STARD3NL: variants seen among roughly 807,000 people sequenced by gnomAD.
The protein encoded by STARD3NL is STARD3 N-terminal like, also known as STARD3 N-terminal-like protein.
A neutral mutation model predicts 30.9 loss-of-function variants in STARD3NL; 17 were observed. The observed-to-expected ratio is 0.55, with a 90% confidence interval of 0.38 to 0.82. The LOEUF is 0.82. Among genes scored for constraint, STARD3NL ranks in the 40% least tolerant of loss-of-function variants. The pLI, the probability that STARD3NL is intolerant of heterozygous loss-of-function variation, is 0.00. For synonymous variants in STARD3NL, 112 were observed against 100.5 expected (o/e 1.11, Z -0.69); for missense variants, 234 against 277.6 (o/e 0.84, Z 1.12).
At chr7:38,213,200 G>A (rs73348667) in intron 2 of STARD3NL, among the ~76,000 whole-genome samples, 9,970 of 152,042 alleles carry the variant, frequency 0.066, 1,083 homozygotes, top group African/African-American at 0.23. Context: ...TCCTTAGTCC[G>A]GAGAGACAGT....
chr7:38,219,696 T>G lies in STARD3NL; in HGVS notation c.649+36T>G, dbSNP rs188025878. 210 of 1,548,794 alleles carry G rather than the reference T, an allele frequency of 1.4e-4. No homozygotes were observed. The African/African-American group carries it at 2.7e-3, about 20-fold the overall frequency. Reference sequence around the variant, plus strand: ...TGATTATTATTTGTGCTTGTATCTCTCATTCAAAGGCTCTGCTCTTCCTTC... The same window carrying G: ...TGATTATTATTTGTGCTTGTATCTCGCATTCAAAGGCTCTGCTCTTCCTTC... On this transcript the variant is annotated intron_variant, in intron 7 of 8. Coordinates refer to ENST00000009041, the MANE Select transcript of STARD3NL (RefSeq NM_032016.4).
chr7:38,195,830 A>T (rs1368837166), intron 1 of STARD3NL, among the ~76,000 whole-genome samples: 1 of 152,248 alleles, frequency 6.6e-6, no homozygotes, highest in Non-Finnish European at 1.5e-5. Flanking sequence ...GTTCCCAAAG[A>T]GTAGTTTGTA....
chr7:38,219,310 G>A (rs772566248), intron 6 of STARD3NL, among the ~76,000 whole-genome samples: 2 of 152,196 alleles, frequency 1.3e-5, no homozygotes, highest in Non-Finnish European at 2.9e-5. Flanking sequence ...GCCTCCCAGA[G>A]TGCTATGATG....
At chr7:38,180,264 A>C (rs7349990) in intron 1 of STARD3NL, among the ~76,000 whole-genome samples, 12,235 of 152,262 alleles carry the variant, frequency 0.08, 608 homozygotes, top group East Asian at 0.14. Context: ...TATCCGATGT[A>C]GTTTGTTTCC....
intron 1 of STARD3NL, among the ~76,000 whole-genome samples, chr7:38,194,763 A>G (rs947817081): frequency 4.6e-5 from 7 of 152,252 alleles, no homozygotes; most frequent in African/African-American, 9.6e-5. Context: ...TTGGTGGTCT[A>G]GTTTTGTGAT....
rs149650302 is a variant in STARD3NL, at chr7:38,223,057, A to G, written c.649+3397A>G. On this transcript the variant is annotated intron_variant, in intron 7 of 8. Transcript: ENST00000009041. ...CATGAGGGCGTCCGAAAAAGGCCTG[A>G]CGTGCCTTTTTTTGTCTTTTTTTCC... Among the ~76,000 whole-genome samples, 101 of 152,178 alleles carry G rather than the reference A, an allele frequency of 6.6e-4. No homozygotes were observed. In the East Asian group the frequency reaches 0.012, roughly 18 times the overall value.
chr7:38,220,838 T>A (rs935651709), intron 7 of STARD3NL, among the ~76,000 whole-genome samples: 1 of 152,224 alleles, frequency 6.6e-6, no homozygotes, highest in African/African-American at 2.4e-5. Context: ...GCACAGTGGC[T>A]CATGCCTATA....
chr7:38,200,338 G>A (rs949177871), intron 1 of STARD3NL, among the ~76,000 whole-genome samples: 3 of 152,074 alleles, frequency 2.0e-5, no homozygotes, highest in African/African-American at 7.2e-5. Flanking sequence ...CTGCTGTGTC[G>A]CTTCAAGGCT....
chr7:38,192,796 TGG>T (rs1340034690), intron 1 of STARD3NL, among the ~76,000 whole-genome samples: 1 of 152,262 alleles, frequency 6.6e-6, no homozygotes, highest in African/African-American at 2.4e-5. Context: ...TTCAGATTTC[TGG>T]CATCCACTGA....
chr7:38,191,766 CA>C (rs1784695637), intron 1 of STARD3NL, among the ~76,000 whole-genome samples: 1 of 151,964 alleles, frequency 6.6e-6, no homozygotes, highest in South Asian at 2.1e-4. Context: ...ATGCTAGTAC[CA>C]TACTGTTTTG....
chr7:38,178,662 G>A (rs1784119630), intron 1 of STARD3NL, among the ~76,000 whole-genome samples: 1 of 152,210 alleles, frequency 6.6e-6, no homozygotes, highest in Admixed American at 6.5e-5. Flanking sequence ...GGCGTGGGCC[G>A]GGATTCAGGG....
At chr7:38,211,422 T>A (rs914204648) in intron 2 of STARD3NL, among the ~76,000 whole-genome samples, 6 of 152,074 alleles carry the variant, frequency 3.9e-5, no homozygotes, top group African/African-American at 1.4e-4. Context: ...ATGGAAGTAC[T>A]GAGGCAGGAG....
rs966474910 is a variant in STARD3NL at position 38,230,359 on chromosome 7, A to G, written c.*454A>G. On this transcript the variant is annotated 3_prime_UTR_variant, in exon 9 of 9. Transcript: ENST00000009041. The stretch of plus-strand genomic sequence containing the variant: ...ATTTCCCTTGTTTTTTAACTCATGC[A>G]CATGTGCTCTTTGTACAGTTTTAAA... 1 of 152,596 alleles carries G rather than the reference A, an allele frequency of 6.6e-6. No homozygotes were observed. Among genetic ancestry groups the G allele is most frequent in the African/African-American group, 2.4e-5 (1 of 41,430 alleles). The allele number at this position is 152,596 out of a possible 1,614,324, so 9.5% of individuals were successfully genotyped here.
intron 7 of STARD3NL, among the ~76,000 whole-genome samples, chr7:38,225,552 G>A (rs1786708671): frequency 6.6e-6 from 1 of 152,086 alleles, no homozygotes; most frequent in African/African-American, 2.4e-5. Flanking sequence ...TCTTGCTTTT[G>A]GATACTCAGT....
At chr7:38,224,020 AC>A (rs1342711325) in intron 7 of STARD3NL, among the ~76,000 whole-genome samples, 2 of 152,166 alleles carry the variant, frequency 1.3e-5, no homozygotes, top group Non-Finnish European at 2.9e-5. Flanking sequence ...TGACAAATTT[AC>A]CTTTCCTGGG....
At chr7:38,210,627 C>G (rs1316708780) in intron 2 of STARD3NL, among the ~76,000 whole-genome samples, 1 of 152,128 alleles carries the variant, frequency 6.6e-6, no homozygotes, top group Non-Finnish European at 1.5e-5. Context: ...GACTGATTTC[C>G]CAAGTTGGAT....
chr7:38,215,933 GC>G (rs1292036299), intron 4 of STARD3NL: 2 of 152,242 alleles, frequency 1.3e-5, no homozygotes, highest in African/African-American at 4.8e-5. Flanking sequence ...TGTCTTCTGA[GC>G]ATTCTCAGAA....
At chr7:38,229,165 T>C (rs1187769157) in intron 8 of STARD3NL, among the ~76,000 whole-genome samples, 1 of 152,264 alleles carries the variant, frequency 6.6e-6, no homozygotes, top group African/African-American at 2.4e-5. Flanking sequence ...ATGTCATTGT[T>C]TTAATGACAG....
rs1286569477 is a variant in STARD3NL at position 38,219,650 on chromosome 7, A to C, written c.639A>C (p.Glu213Asp). 6.2e-7 allele frequency: 1 copy of C among 1,611,804 alleles called. No homozygotes were observed. Among genetic ancestry groups the C allele is most frequent in the Non-Finnish European group, 8.5e-7 (1 of 1,178,404 alleles). Residue 213 changes from glutamate (E) to aspartate (D), a missense_variant, in exon 7 of 9, where the codon GAA becomes GAC. Transcript: ENST00000009041. ...LSDGQFYSPP[E>D]SEAGSEEAEE... The stretch of plus-strand genomic sequence containing the variant: ...ATGGTCAGTTTTATTCCCCTCCTGA[A>C]TCCGAAGCAGGTAAAAAACTTGATT...
Sources: gnomAD v4.1 joint callset for allele counts (sites outside exome capture counted in the v4.1 genomes callset) on GRCh38, gnomAD v4.1.1 for gene constraint, MANE v1.5 for transcripts, NCBI Gene and HGNC (gene_info 2026-07-23, HGNC 2026-07-21) for gene names.